APP: variants seen among roughly 807,000 people sequenced by gnomAD.
The protein encoded by APP is amyloid-beta precursor protein.
In APP, 31 loss-of-function variants were observed where a neutral mutation model predicts 101.4. The observed-to-expected ratio is 0.31, with a 90% CI of 0.23 to 0.41. APP has a LOEUF of 0.41. Ranked by LOEUF, APP falls within the 10% of genes least tolerant of loss-of-function variation. The pLI is 1.00. For missense variants in APP, 839 were observed against 1,003.7 expected (o/e 0.84, Z 2.22); for synonymous variants, 366 against 364.4 (o/e 1.00, Z -0.05).
chr21:26,012,456 A>G (rs950815686), intron 6 of APP, among the ~76,000 whole-genome samples: 1 of 152,114 alleles, frequency 6.6e-6, no homozygotes, highest in South Asian at 2.1e-4. Flanking sequence ...TAACAGAATC[A>G]CAAAAAGTCA....
intron 1 of APP, among the ~76,000 whole-genome samples, chr21:26,118,425 T>C (rs1029961405): frequency 6.6e-6 from 1 of 152,220 alleles, no homozygotes; most frequent in Admixed American, 6.5e-5. Flanking sequence ...TTTAACTTCA[T>C]ATATATACAT....
intron 5 of APP, among the ~76,000 whole-genome samples, chr21:26,027,556 AG>A (rs2044634586): frequency 6.6e-6 from 1 of 152,206 alleles, no homozygotes; most frequent in South Asian, 2.1e-4. Flanking sequence ...GCGAAACACA[AG>A]GGGACACATC....
At chr21:25,936,202 T>A (rs1601453024) in intron 13 of APP, among the ~76,000 whole-genome samples, 7 of 151,998 alleles carry the variant, frequency 4.6e-5, no homozygotes, top group Admixed American at 4.6e-4. Context: ...AAGAGATAAT[T>A]AAGGTTAAAT....
intron 1 of APP, among the ~76,000 whole-genome samples, chr21:26,156,077 C>T (rs993436503): frequency 1.3e-5 from 2 of 150,156 alleles, no homozygotes; most frequent in Non-Finnish European, 3.0e-5. Flanking sequence ...TAGGCCTTAA[C>T]AATAATCCTA....
At chr21:25,962,495 T>G (rs1189596532) in intron 11 of APP, among the ~76,000 whole-genome samples, 1 of 152,126 alleles carries the variant, frequency 6.6e-6, no homozygotes, top group Non-Finnish European at 1.5e-5. Flanking sequence ...GTGCAGAATA[T>G]CCTTCATAGT....
chr21:26,063,702 G>A (rs1045207125), intron 3 of APP, among the ~76,000 whole-genome samples: 1 of 152,074 alleles, frequency 6.6e-6, no homozygotes, highest in Non-Finnish European at 1.5e-5. Context: ...TACATAAATA[G>A]GAAAAAAGAG....
chr21:25,977,007 C>T (rs921274803), intron 9 of APP, among the ~76,000 whole-genome samples: 1 of 152,184 alleles, frequency 6.6e-6, no homozygotes, highest in Non-Finnish European at 1.5e-5. Flanking sequence ...TCCCCACCTG[C>T]AAAACTGAGA....
intron 11 of APP, among the ~76,000 whole-genome samples, chr21:25,967,417 C>T (rs2041837276): frequency 6.6e-6 from 1 of 152,158 alleles, no homozygotes; most frequent in Non-Finnish European, 1.5e-5. Flanking sequence ...GAATAATAAT[C>T]ATGATAACTG....
intron 13 of APP, among the ~76,000 whole-genome samples, chr21:25,930,616 C>T (rs1266241451): frequency 6.6e-6 from 1 of 151,514 alleles, no homozygotes; most frequent in Non-Finnish European, 1.5e-5. Context: ...AAAATCACAA[C>T]ACAGGATTGG....
intron 13 of APP, among the ~76,000 whole-genome samples, chr21:25,925,287 T>C (rs917042326): frequency 2.0e-5 from 3 of 152,218 alleles, no homozygotes; most frequent in African/African-American, 2.4e-5. Context: ...ATACAACTGC[T>C]ATGCTGTTTA....
chr21:25,899,498 G>A (rs1422529789), intron 15 of APP, among the ~76,000 whole-genome samples: 1 of 152,150 alleles, frequency 6.6e-6, no homozygotes. Context: ...ACCTCTTGGT[G>A]CAGGGGTGCG....
chr21:25,959,001 G>C (rs1375986335), intron 11 of APP, among the ~76,000 whole-genome samples: 2 of 276 alleles, frequency 7.2e-3, no homozygotes, highest in Admixed American at 0.029. Context: ...TACACAGCTA[G>C]TTAGTGTTAG....
At chr21:26,152,737 T>C (rs1485825225) in intron 1 of APP, among the ~76,000 whole-genome samples, 1 of 152,186 alleles carries the variant, frequency 6.6e-6, no homozygotes, top group African/African-American at 2.4e-5. Context: ...ATTATGGAGA[T>C]TTCCTAAAGA....
At chr21:26,143,021 A>C (rs1228247971) in intron 1 of APP, among the ~76,000 whole-genome samples, 2 of 152,234 alleles carry the variant, frequency 1.3e-5, no homozygotes, top group African/African-American at 4.8e-5. Flanking sequence ...ACTTTCCATA[A>C]TTGTCAACTT....
At chr21:25,930,038 T>C (rs2040073999) in intron 13 of APP, among the ~76,000 whole-genome samples, 1 of 152,222 alleles carries the variant, frequency 6.6e-6, no homozygotes, top group Non-Finnish European at 1.5e-5. Context: ...AGACATGGCT[T>C]GTCCAGCTGC....
At chr21:26,154,267 G>C (rs1040642249) in intron 1 of APP, among the ~76,000 whole-genome samples, 1 of 152,126 alleles carries the variant, frequency 6.6e-6, no homozygotes, top group Non-Finnish European at 1.5e-5. Context: ...ATCTGTACAT[G>C]TTTACATACC....
At chr21:26,138,728 A>C (rs1050014973) in intron 1 of APP, among the ~76,000 whole-genome samples, 4 of 151,894 alleles carry the variant, frequency 2.6e-5, no homozygotes, top group Non-Finnish European at 5.9e-5. Flanking sequence ...ACAAAACAAA[A>C]CAAAATCCTC....
At chr21:26,051,310 G>C (rs958442954) in intron 4 of APP, 117 bp from the exon 5 acceptor site, 17 of 1,098,978 alleles carry the variant, frequency 1.5e-5, no homozygotes, top group Non-Finnish European at 2.2e-5. Context: ...ATTTCACAAA[G>C]GAAAAGATTA....
chr21:25,893,827 A>G (rs780109642), intron 16 of APP, among the ~76,000 whole-genome samples: 3 of 152,246 alleles, frequency 2.0e-5, no homozygotes, highest in Non-Finnish European at 4.4e-5. Flanking sequence ...GCTACACTAA[A>G]TAACAGATTT....
Sources: allele counts gnomAD v4.1 joint callset (sites outside exome capture counted in the v4.1 genomes callset), GRCh38; gene constraint gnomAD v4.1.1; transcripts MANE v1.5; gene names NCBI Gene and HGNC (gene_info 2026-07-23, HGNC 2026-07-21).